The following GALNT14 variants were observed in gnomAD, a reference collection of about 807,000 sequenced individuals.
The protein encoded by GALNT14 is polypeptide N-acetylgalactosaminyltransferase 14.
Under a neutral mutation model 77.5 loss-of-function variants are expected in GALNT14, and 60 were observed. The observed-to-expected ratio is 0.77, with a 90% CI of 0.63 to 0.96. The LOEUF is 0.96. Among genes scored for constraint, GALNT14 ranks in the 40% least tolerant of loss-of-function variants. The pLI is 0.00. For synonymous variants in GALNT14, 280 were observed against 281.7 expected, an observed-to-expected ratio of 0.99 and a Z score of 0.06; for missense variants, 710 against 731.0, an observed-to-expected ratio of 0.97 and a Z score of 0.33.
intron 1 of GALNT14, among the ~76,000 whole-genome samples, chr2:31,036,037 T>C (rs1372502202): frequency 6.6e-6 from 1 of 152,196 alleles, no homozygotes; most frequent in East Asian, 1.9e-4. Flanking sequence ...TAATAAAGTG[T>C]GTGTCTTATA....
intron 13 of GALNT14, among the ~76,000 whole-genome samples, chr2:30,923,297 T>C (rs1558406978): frequency 6.6e-6 from 1 of 151,944 alleles, no homozygotes; most frequent in Admixed American, 6.6e-5. Context: ...CTCCGGACCT[T>C]AGGTGATCCA....
intron 1 of GALNT14, among the ~76,000 whole-genome samples, chr2:31,056,930 CT>C (rs1402971635): frequency 6.6e-6 from 1 of 152,182 alleles, no homozygotes; most frequent in Non-Finnish European, 1.5e-5. Flanking sequence ...TACATATACA[CT>C]ACGGAATACT....
At chr2:30,977,238 C>T (rs1026142514) in intron 2 of GALNT14, among the ~76,000 whole-genome samples, 15 of 152,192 alleles carry the variant, frequency 9.9e-5, no homozygotes, top group South Asian at 4.1e-4. Flanking sequence ...TACAGGCATG[C>T]GCCAGTATGC....
In GALNT14 at chr2:30,929,457, C is replaced by A. The variant is rs1458552376; in HGVS notation, c.1089G>T (p.Met363Ile). ...CGTAATAGTATTGCTTGTATTCATC[C>A]ATCCACACTTCAGCTGTCCGCTTGG... is the stretch of plus-strand genomic sequence containing the variant. ...KNTKRTAEVWMDEYKQYYYAA... is the reference protein window; with the variant it reads ...KNTKRTAEVWIDEYKQYYYAA... The change falls in exon 11 of 15, where the codon ATG becomes ATT. Residue 363 changes from methionine to isoleucine, a missense_variant. Met to Ile is a conservative substitution (Grantham distance 10). Coordinates refer to ENST00000349752, the MANE Select transcript of GALNT14 (RefSeq NM_024572.4). 6.2e-7 allele frequency: 1 copy of A among 1,614,040 alleles called. No homozygotes were observed. The highest frequency in any genetic ancestry group is 8.5e-7 in the Non-Finnish European group (1 of 1,179,986).
At position 31,076,634 on chromosome 2, in the gene GALNT14, T is replaced by A. The variant is rs1041056486; in HGVS notation, c.129+61324A>T. Reference sequence around the variant, plus strand: ...ATACATATATATATATATATATTTTTTTTTTTTTTACATGTACATATACAT... The same window carrying A: ...ATACATATATATATATATATATTTTATTTTTTTTTACATGTACATATACAT... On this transcript the variant is annotated intron_variant, in intron 1 of 14. Coordinates refer to ENST00000349752, the MANE Select transcript of GALNT14 (RefSeq NM_024572.4). 1.9e-3 allele frequency among the ~76,000 whole-genome samples: 282 copies of A among 148,700 alleles called. 2 individuals are homozygous for A. The highest frequency in any genetic ancestry group is 5.9e-3 in the African/African-American group (232 of 39,616).
In GALNT14 at chr2:30,924,226, G is replaced by A. The variant is rs201118996; in HGVS notation, c.1273C>T (p.Arg425Ter). 8.2e-5 allele frequency: 133 copies of A among 1,614,030 alleles called. No individual in the cohort carries two copies. The highest frequency in any genetic ancestry group is 6.6e-4 in the Middle Eastern group (4 of 6,084). ...GATTCCAGGCACTTCTGTCTCTGTC[G>A]GATATTGCCCTTCTGGATGGAGGAC... is the stretch of plus-strand genomic sequence containing the variant. Reference protein sequence around the residue: ...KESSIQKGNIRQRQKCLESQR... With the variant: ...KESSIQKGNI Residue 425 changes from arginine (R) to a stop codon, truncating the protein, a stop_gained, in exon 13 of 15, where the codon CGA becomes TGA. Coordinates refer to ENST00000349752, the MANE Select transcript of GALNT14 (RefSeq NM_024572.4). LOFTEE classifies it high-confidence loss of function.
intron 1 of GALNT14, among the ~76,000 whole-genome samples, chr2:31,028,484 TCCACCAGGTC>T (rs1672211819): frequency 6.6e-6 from 1 of 152,224 alleles, no homozygotes; most frequent in South Asian, 2.1e-4. Flanking sequence ...GCAACTGCCC[TCCACCAGGTC>T]CGGTTAGCGG....
intron 1 of GALNT14, among the ~76,000 whole-genome samples, chr2:31,050,400 C>A (rs996302317): frequency 6.6e-6 from 1 of 152,064 alleles, no homozygotes; most frequent in African/African-American, 2.4e-5. Context: ...CAGGCATGAC[C>A]AGCAGCTTCC....
intron 1 of GALNT14, among the ~76,000 whole-genome samples, chr2:31,052,570 T>G (rs949119256): frequency 6.6e-5 from 10 of 152,130 alleles, no homozygotes; most frequent in Admixed American, 5.2e-4. Context: ...CCCTTCCCAC[T>G]GCAGCAGCCT....
intron 1 of GALNT14, among the ~76,000 whole-genome samples, chr2:31,020,817 G>T (rs887538217): frequency 6.6e-6 from 1 of 152,128 alleles, no homozygotes; most frequent in Non-Finnish European, 1.5e-5. Flanking sequence ...CTCTCTTGGT[G>T]AGCCAGCTTC....
chr2:31,003,286 CATATA>C (rs1670475976), intron 1 of GALNT14, among the ~76,000 whole-genome samples: 1 of 152,168 alleles, frequency 6.6e-6, no homozygotes, highest in Non-Finnish European at 1.5e-5. Flanking sequence ...ATAGAATGGA[CATATA>C]ATAGAGGAAG....
intron 1 of GALNT14, among the ~76,000 whole-genome samples, chr2:31,063,498 C>T (rs1426469902): frequency 6.6e-6 from 1 of 152,178 alleles, no homozygotes; most frequent in East Asian, 1.9e-4. Flanking sequence ...TAGTGTGACG[C>T]CTCCAGCTTT....
Position 31,138,142 on chromosome 2 carries a change from G to C in GALNT14, c.-56C>G. The C allele has an allele frequency of 6.2e-7, 1 of 1,610,664 alleles. No homozygotes were observed. The highest frequency in any genetic ancestry group is 8.5e-7 in the Non-Finnish European group (1 of 1,177,956). On this transcript the variant is annotated 5_prime_UTR_variant, in exon 1 of 15. Transcript: ENST00000349752. ...CTACGTCCCGGGGGCACCCCCCGGC[G>C]GTCAGGGTTGGCGGGGCAGGAGTCC...
chr2:31,087,859 G>T (rs916126673), intron 1 of GALNT14, among the ~76,000 whole-genome samples: 4 of 152,190 alleles, frequency 2.6e-5, no homozygotes, highest in Non-Finnish European at 5.9e-5. Context: ...CAGCCTCTGG[G>T]AGGTGATAAG....
chr2:31,025,644 T>G (rs1004734900), intron 1 of GALNT14, among the ~76,000 whole-genome samples: 18 of 152,122 alleles, frequency 1.2e-4, no homozygotes, highest in African/African-American at 4.3e-4. Flanking sequence ...AGGACAAGGT[T>G]GAAAGCATCT....
At chr2:30,947,168 A>G (rs1240884511) in intron 6 of GALNT14, among the ~76,000 whole-genome samples, 1 of 151,166 alleles carries the variant, frequency 6.6e-6, no homozygotes, top group Non-Finnish European at 1.5e-5. Flanking sequence ...ACCCGACCCC[A>G]CTCTATCTCC....
At chr2:31,076,233 T>C (rs1477159971) in intron 1 of GALNT14, among the ~76,000 whole-genome samples, 1 of 152,186 alleles carries the variant, frequency 6.6e-6, no homozygotes, top group Non-Finnish European at 1.5e-5. Flanking sequence ...CACCACACAA[T>C]ACAATCCTTC....
intron 3 of GALNT14, among the ~76,000 whole-genome samples, chr2:30,964,655 A>T (rs143044395): frequency 2.4e-4 from 37 of 152,350 alleles, no homozygotes; most frequent in African/African-American, 8.4e-4. Flanking sequence ...ATTGCCAAGG[A>T]TGTCTAAACA....
At chr2:31,015,297 GAA>G (rs57122032) in intron 1 of GALNT14, among the ~76,000 whole-genome samples, 69,831 of 120,532 alleles carry the variant, frequency 0.58, 18,381 homozygotes, top group East Asian at 0.71. Context: ...CATCTCAAAG[GAA>G]AAAAAAAAAA....
Sources: allele counts gnomAD v4.1 joint callset (sites outside exome capture counted in the v4.1 genomes callset), GRCh38; gene constraint gnomAD v4.1.1; transcripts MANE v1.5; gene names NCBI Gene and HGNC (gene_info 2026-07-23, HGNC 2026-07-21).